Variants in ZNF804B observed in about 807,000 individuals in gnomAD.
The protein encoded by ZNF804B is zinc finger 804B.
A neutral mutation model predicts 101.4 loss-of-function variants in ZNF804B; 80 were observed. The observed-to-expected ratio is 0.79, with a 90% CI of 0.66 to 0.95. The LOEUF is 0.95. Ranked by LOEUF, ZNF804B falls within the 40% of genes least tolerant of loss-of-function variation. The pLI is 0.00. For synonymous variants in ZNF804B, 622 were observed against 558.8 expected, an observed-to-expected ratio of 1.11 and a Z score of -1.59; for missense variants, 1,673 against 1,561.9, an observed-to-expected ratio of 1.07 and a Z score of -1.20.
At chr7:88,852,764 G>T (rs149608699) in intron 1 of ZNF804B, among the ~76,000 whole-genome samples, 1 of 152,102 alleles carries the variant, frequency 6.6e-6, no homozygotes, top group Admixed American at 6.6e-5. Context: ...GAAACCTGAA[G>T]CACTGAAGTA....
chr7:88,812,656 G>A (rs1340393901), intron 1 of ZNF804B, among the ~76,000 whole-genome samples: 1 of 152,128 alleles, frequency 6.6e-6, no homozygotes, highest in African/African-American at 2.4e-5. Context: ...TGTGGTGTGT[G>A]TATGTATATA....
intron 1 of ZNF804B, among the ~76,000 whole-genome samples, chr7:88,998,140 T>G (rs1453619871): frequency 6.6e-6 from 1 of 152,074 alleles, no homozygotes; most frequent in Non-Finnish European, 1.5e-5. Context: ...CTCACTTCCC[T>G]GCTGTCTCCT....
rs181711660 is a variant in ZNF804B at position 89,282,569 on chromosome 7, G to T, written c.250-44775G>T. ...ATACCCCCTCTCCTCTTAAACAGGAGGTCCTAATCTCTGCAATCTGTATAT... is the reference window on the plus strand; with the variant it reads ...ATACCCCCTCTCCTCTTAAACAGGATGTCCTAATCTCTGCAATCTGTATAT... On this transcript the variant is annotated intron_variant, in intron 2 of 3. Transcript: ENST00000333190. Among the ~76,000 whole-genome samples, 5 of 152,226 alleles carry T rather than the reference G, an allele frequency of 3.3e-5. No individual in the cohort carries two copies. In the East Asian group the frequency reaches 9.6e-4, roughly 29 times the overall value.
intron 1 of ZNF804B, among the ~76,000 whole-genome samples, chr7:88,861,059 T>A (rs904048336): frequency 6.6e-6 from 1 of 152,180 alleles, no homozygotes; most frequent in Non-Finnish European, 1.5e-5. Flanking sequence ...AGTCTTTACC[T>A]CATCTACAGT....
chr7:89,019,555 A>G (rs1788629467), intron 1 of ZNF804B, among the ~76,000 whole-genome samples: 1 of 152,044 alleles, frequency 6.6e-6, no homozygotes, highest in Non-Finnish European at 1.5e-5. Context: ...TAGATGAGCT[A>G]TCCAATTCTG....
chr7:89,187,604 T>C (rs1788392975), intron 1 of ZNF804B, among the ~76,000 whole-genome samples: 1 of 152,200 alleles, frequency 6.6e-6, no homozygotes, highest in Non-Finnish European at 1.5e-5. Flanking sequence ...TCTTGGACTT[T>C]GTCTGCAGTG....
Position 89,335,101 on chromosome 7 carries a change from A to G in ZNF804B, c.2119A>G (p.Arg707Gly). The change falls in exon 4 of 4, where the codon AGA becomes GGA. Residue 707 changes from arginine to glycine, a missense_variant. Arg to Gly is a moderately radical substitution (Grantham distance 125). Transcript: ENST00000333190. ...ATACTCTCCACAGTCATGTTTGAGT[A>G]GATATTCTTCCTCTTTGGACACATC... ...KRYSPQSCLS[R>G]YSSSLDTSPS... 6.2e-7 allele frequency: 1 copy of G among 1,613,878 alleles called. No individual in the cohort carries two copies. The highest frequency in any genetic ancestry group is 8.5e-7 in the Non-Finnish European group (1 of 1,179,914).
intron 2 of ZNF804B, among the ~76,000 whole-genome samples, chr7:89,285,819 T>C (rs1052523307): frequency 2.0e-5 from 3 of 152,148 alleles, no homozygotes; most frequent in African/African-American, 7.2e-5. Context: ...AAAGAAAAGA[T>C]AGACACCAGC....
chr7:88,973,201 T>G (rs930340127), intron 1 of ZNF804B, among the ~76,000 whole-genome samples: 4 of 151,250 alleles, frequency 2.6e-5, no homozygotes, highest in Admixed American at 1.3e-4. Context: ...GTGCAATCTT[T>G]TTTTTTACAT....
rs530982237 is a variant in ZNF804B at position 89,096,082 on chromosome 7, G to T, written c.109-122073G>T. ...AGGCAGGAGAATGGCGTGAACCCAG[G>T]AGGCGGAGCTTGCAGTGAGTGGAGA... is the stretch of plus-strand genomic sequence containing the variant. On this transcript the variant is annotated intron_variant, in intron 1 of 3. Coordinates refer to ENST00000333190, the MANE Select transcript of ZNF804B (RefSeq NM_181646.5). Among the ~76,000 whole-genome samples, 4 of 151,660 alleles carry T rather than the reference G, an allele frequency of 2.6e-5. No individual in the cohort carries two copies. In the South Asian group the frequency reaches 8.3e-4, roughly 32 times the overall value.
intron 2 of ZNF804B, among the ~76,000 whole-genome samples, chr7:89,324,607 C>CTTTTTTTTTTTT (rs35905388): frequency 5.5e-5 from 6 of 109,558 alleles, no homozygotes; most frequent in African/African-American, 1.4e-4. Flanking sequence ...TACCTTCTTA[C>CTTTTTTTTTTTT]TTTTTTTTTT....
chr7:89,264,476 A>G (rs1290025366), intron 2 of ZNF804B, among the ~76,000 whole-genome samples: 1 of 152,178 alleles, frequency 6.6e-6, no homozygotes, highest in Non-Finnish European at 1.5e-5. Flanking sequence ...TCCTTTGCTT[A>G]TATCAATTGC....
chr7:89,057,428 C>A (rs1789314844), intron 1 of ZNF804B, among the ~76,000 whole-genome samples: 2 of 152,028 alleles, frequency 1.3e-5, no homozygotes, highest in Non-Finnish European at 2.9e-5. Context: ...TTTGCTCAGA[C>A]CATCCAATGA....
intron 1 of ZNF804B, among the ~76,000 whole-genome samples, chr7:89,003,595 T>C (rs944029137): frequency 2.0e-5 from 3 of 152,084 alleles, no homozygotes; most frequent in African/African-American, 7.2e-5. Context: ...ATCAACTCTT[T>C]CAATTTATTG....
intron 1 of ZNF804B, among the ~76,000 whole-genome samples, chr7:88,903,506 G>A (rs1331646955): frequency 3.3e-5 from 5 of 152,026 alleles, no homozygotes; most frequent in African/African-American, 1.2e-4. Flanking sequence ...TAGTTCTGTT[G>A]GAAGTTATTT....
intron 1 of ZNF804B, among the ~76,000 whole-genome samples, chr7:88,998,186 C>T (rs1788227637): frequency 6.6e-6 from 1 of 152,060 alleles, no homozygotes; most frequent in Non-Finnish European, 1.5e-5. Flanking sequence ...TCTGGTCCTC[C>T]TTCTTTGAGC....
At chr7:88,885,268 T>C (rs896377260) in intron 1 of ZNF804B, among the ~76,000 whole-genome samples, 1 of 151,850 alleles carries the variant, frequency 6.6e-6, no homozygotes, top group Non-Finnish European at 1.5e-5. Flanking sequence ...CCTTTGTTTT[T>C]CCCTGAGTAT....
At chr7:89,069,968 C>A (rs1053726425) in intron 1 of ZNF804B, among the ~76,000 whole-genome samples, 13 of 152,024 alleles carry the variant, frequency 8.6e-5, no homozygotes, top group Admixed American at 5.2e-4. Flanking sequence ...ATAAATGGTA[C>A]CTTATTATTA....
At chr7:89,210,857 C>T (rs1192108668) in intron 1 of ZNF804B, among the ~76,000 whole-genome samples, 1 of 152,164 alleles carries the variant, frequency 6.6e-6, no homozygotes, top group Non-Finnish European at 1.5e-5. Flanking sequence ...TGGGTATATA[C>T]CCAGTAATGG....
Sources: gnomAD v4.1 joint callset for allele counts (sites outside exome capture counted in the v4.1 genomes callset) on GRCh38, gnomAD v4.1.1 for gene constraint, MANE v1.5 for transcripts, NCBI Gene and HGNC (gene_info 2026-07-23, HGNC 2026-07-21) for gene names.